Variants in DIAPH1 observed in about 807,000 individuals in gnomAD.
DIAPH1 encodes protein diaphanous homolog 1.
A neutral mutation model predicts 140.7 loss-of-function variants in DIAPH1; 46 were observed. The observed-to-expected ratio is 0.33, with a 90% CI of 0.26 to 0.42. The LOEUF (loss-of-function observed/expected upper bound fraction) is 0.42, where lower values mean the gene tolerates loss of function less well. Ranked by LOEUF, DIAPH1 falls within the 10% of genes least tolerant of loss-of-function variation. The probability of loss-of-function intolerance (pLI) is 1.00; values close to 1 mark genes in which losing one functional copy is unlikely to be tolerated. For synonymous variants in DIAPH1, 565 were observed against 551.6 expected (o/e 1.02, Z -0.34); for missense variants, 1,310 against 1,558.7 (o/e 0.84, Z 2.69).
intron 1 of DIAPH1, among the ~76,000 whole-genome samples, chr5:141,592,520 C>A (rs904205315): frequency 5.1e-4 from 73 of 144,536 alleles, no homozygotes; most frequent in African/African-American, 1.8e-3. Flanking sequence ...ACAACAACAA[C>A]AAAAACACAG....
At chr5:141,599,723 G>A (rs944632535) in intron 1 of DIAPH1, among the ~76,000 whole-genome samples, 2 of 152,192 alleles carry the variant, frequency 1.3e-5, no homozygotes, top group African/African-American at 4.8e-5. Flanking sequence ...CTAATTTAGT[G>A]TGAGGAACAT....
intron 27 of DIAPH1, among the ~76,000 whole-genome samples, chr5:141,522,578 CAAAAAAA>C (rs5871776): frequency 7.9e-5 from 7 of 88,956 alleles, no homozygotes; most frequent in Non-Finnish European, 9.2e-5. Flanking sequence ...CCGACGGGGT[CAAAAAAA>C]AAAAAAAAAA....
intron 20 of DIAPH1, 52 bp downstream of exon 20, chr5:141,529,551 G>A: frequency 7.1e-7 from 1 of 1,409,032 alleles, no homozygotes; most frequent in Non-Finnish European, 1.0e-6. Context: ...GATGAGGCCA[G>A]TGCCCAGCGA....
intron 1 of DIAPH1, among the ~76,000 whole-genome samples, chr5:141,602,667 C>T (rs1407669425): frequency 6.6e-6 from 1 of 152,146 alleles, no homozygotes; most frequent in East Asian, 1.9e-4. Context: ...ATATAAAGCA[C>T]TTTGTTTTGC....
At chr5:141,545,153 AAT>A (rs1298738364) in intron 18 of DIAPH1, among the ~76,000 whole-genome samples, 1 of 152,216 alleles carries the variant, frequency 6.6e-6, no homozygotes, top group East Asian at 1.9e-4. Flanking sequence ...AGGGTTTGGC[AAT>A]AAGGAGGAGG....
intron 27 of DIAPH1, 92 bp downstream of exon 27, chr5:141,524,051 G>T: frequency 9.5e-7 from 1 of 1,051,750 alleles, no homozygotes; most frequent in Non-Finnish European, 1.5e-6. Context: ...GATGCTTAGA[G>T]CATCATTATT....
chr5:141,524,356 A>G, intron 26 of DIAPH1, 127 bp from the exon 27 acceptor site: 2 of 826,640 alleles, frequency 2.4e-6, no homozygotes. Context: ...GCAGCTAAGA[A>G]GAGGCAAAGA....
rs760564836 is a variant in DIAPH1, at chr5:141,524,125, C to T, written c.3661+18G>A. 2.5e-6 allele frequency: 4 copies of T among 1,612,452 alleles called. No individual in the cohort carries two copies. The highest frequency in any genetic ancestry group is 4.5e-5 in the East Asian group (2 of 44,846). On this transcript the variant is annotated intron_variant, in intron 27 of 27. Coordinates refer to ENST00000389054, the MANE Select transcript of DIAPH1 (RefSeq NM_005219.5). ...CACCCCCTTCGACACCCAGGATGAG[C>T]TCCATGTGCTTACTTACCTTGACGG...
At chr5:141,577,436 G>C in intron 12 of DIAPH1, 39 bp downstream of exon 12, 1 of 1,359,986 alleles carries the variant, frequency 7.4e-7, no homozygotes, top group Non-Finnish European at 1.1e-6. Context: ...TCTCCACTTA[G>C]GCTCAAATTC....
At chr5:141,600,688 A>T (rs1394909550) in intron 1 of DIAPH1, among the ~76,000 whole-genome samples, 3 of 152,182 alleles carry the variant, frequency 2.0e-5, no homozygotes, top group Non-Finnish European at 2.9e-5. Context: ...AACAAAATGG[A>T]GTGGTGAGAG....
chr5:141,575,622 C>A (rs909513379), intron 14 of DIAPH1, among the ~76,000 whole-genome samples: 4 of 151,112 alleles, frequency 2.6e-5, no homozygotes, highest in African/African-American at 9.8e-5. Flanking sequence ...GCACTCCAGC[C>A]TGGATGACAG....
At chr5:141,570,097 A>G (rs2099894942) in intron 18 of DIAPH1, among the ~76,000 whole-genome samples, 1 of 152,076 alleles carries the variant, frequency 6.6e-6, no homozygotes, top group Non-Finnish European at 1.5e-5. Flanking sequence ...ACTAAACTGT[A>G]TAAAACCCAA....
At chr5:141,535,139 G>A (rs987913939) in intron 18 of DIAPH1, among the ~76,000 whole-genome samples, 4 of 152,026 alleles carry the variant, frequency 2.6e-5, no homozygotes, top group African/African-American at 9.7e-5. Flanking sequence ...TTGTGGAGAT[G>A]AGGTTTCACC....
At chr5:141,618,632 C>T (rs1405740087) in intron 1 of DIAPH1, 166 bp downstream of exon 1, 2 of 526,404 alleles carry the variant, frequency 3.8e-6, no homozygotes, top group Non-Finnish European at 6.9e-6. Flanking sequence ...TTCCCGAGGT[C>T]CCGAAGGGAG....
intron 1 of DIAPH1, chr5:141,589,120 A>C (rs1411110615): frequency 1.9e-5 from 3 of 156,554 alleles, no homozygotes; most frequent in African/African-American, 7.2e-5. Context: ...ACAGCATTCA[A>C]AAGGAGTCCA....
At chr5:141,525,356 T>G (rs1010838269) in intron 26 of DIAPH1, among the ~76,000 whole-genome samples, 1 of 151,970 alleles carries the variant, frequency 6.6e-6, no homozygotes, top group African/African-American at 2.4e-5. Context: ...GTGAGCAGTG[T>G]ATGCTGTATT....
At chr5:141,550,858 C>T (rs2099891578) in intron 18 of DIAPH1, among the ~76,000 whole-genome samples, 1 of 152,170 alleles carries the variant, frequency 6.6e-6, no homozygotes, top group Non-Finnish European at 1.5e-5. Flanking sequence ...TGTTAATAAA[C>T]CTTTTCATAC....
At chr5:141,576,932 TCAGGAC>T (rs2099896050) in intron 12 of DIAPH1, 61 bp from the exon 13 acceptor site, 8 of 1,095,480 alleles carry the variant, frequency 7.3e-6, no homozygotes, top group Admixed American at 1.8e-5. Context: ...TCAGAAGTAT[TCAGGAC>T]CAAGAAAACG....
At chr5:141,530,539 G>A (rs1316133863) in intron 19 of DIAPH1, among the ~76,000 whole-genome samples, 2 of 152,070 alleles carry the variant, frequency 1.3e-5, no homozygotes, top group African/African-American at 2.4e-5. Flanking sequence ...TGGGGCCTCC[G>A]CGCTGTTAGC....
Sources: allele counts gnomAD v4.1 joint callset (sites outside exome capture counted in the v4.1 genomes callset), GRCh38; gene constraint gnomAD v4.1.1; transcripts MANE v1.5; gene names NCBI Gene and HGNC (gene_info 2026-07-23, HGNC 2026-07-21).